Variants in KLF12 observed in about 807,000 individuals in gnomAD.
KLF12 encodes KLF transcription factor 12.
In KLF12, 9 loss-of-function variants were observed where a neutral mutation model predicts 37.8. The ratio of observed to expected loss-of-function variants is 0.24; its 90% CI spans 0.14 to 0.42. The LOEUF is 0.42. Ranked by LOEUF, KLF12 falls within the 10% of genes least tolerant of loss-of-function variation. The probability of loss-of-function intolerance (pLI) is 1.00; values close to 1 mark genes in which losing one functional copy is unlikely to be tolerated. For missense variants in KLF12, 411 were observed against 516.0 expected (o/e 0.80, Z 1.97); for synonymous variants, 208 against 202.1 (o/e 1.03, Z -0.25).
intron 2 of KLF12, among the ~76,000 whole-genome samples, chr13:73,955,347 T>A (rs1355225742): frequency 6.6e-6 from 1 of 152,094 alleles, no homozygotes; most frequent in African/African-American, 2.4e-5. Context: ...AAAACAGAAA[T>A]GTTAAGAGTT....
the KLF12 span, among the ~76,000 whole-genome samples, chr13:74,155,027 A>T: frequency 6.6e-6 from 1 of 152,188 alleles, no homozygotes; most frequent in African/African-American, 2.4e-5. Flanking sequence ...GGTCTTAAAT[A>T]TACTATTCTT....
At chr13:73,708,084 G>A (rs1442134427) in intron 7 of KLF12, among the ~76,000 whole-genome samples, 1 of 152,094 alleles carries the variant, frequency 6.6e-6, no homozygotes, top group Non-Finnish European at 1.5e-5. Context: ...GTTTCATAAA[G>A]GTAGGGAAGA....
At chr13:73,806,111 TC>T (rs1882605422) in intron 5 of KLF12, among the ~76,000 whole-genome samples, 1 of 105,554 alleles carries the variant, frequency 9.5e-6, no homozygotes, top group Non-Finnish European at 2.1e-5. Flanking sequence ...GTTTTTTTTT[TC>T]TTTCTTTTTT....
At chr13:74,215,427 CTTTTTTTTTTTTT>C in the KLF12 span, among the ~76,000 whole-genome samples, 21 of 60,384 alleles carry the variant, frequency 3.5e-4, no homozygotes, top group African/African-American at 8.6e-4. Context: ...CCTCTGGGTT[CTTTTTTTTTTTTT>C]TTTTTTTTTT....
At chr13:73,826,695 AC>A (rs1883862041) in intron 4 of KLF12, among the ~76,000 whole-genome samples, 1 of 152,090 alleles carries the variant, frequency 6.6e-6, no homozygotes, top group Non-Finnish European at 1.5e-5. Context: ...GCCCTTAACT[AC>A]ATATATGTCC....
At chr13:74,028,663 T>A (rs1893036604) in intron 1 of KLF12, among the ~76,000 whole-genome samples, 1 of 152,060 alleles carries the variant, frequency 6.6e-6, no homozygotes, top group Non-Finnish European at 1.5e-5. Flanking sequence ...ATGATAAATA[T>A]AAGAAACATG....
the KLF12 span, among the ~76,000 whole-genome samples, chr13:74,281,565 A>G: frequency 6.6e-6 from 1 of 152,256 alleles, no homozygotes; most frequent in Middle Eastern, 3.2e-3. Context: ...CAAAGCTATA[A>G]ATACATTTTA....
intron 1 of KLF12, among the ~76,000 whole-genome samples, chr13:74,074,707 G>C (rs924703039): frequency 1.1e-4 from 17 of 152,162 alleles, no homozygotes; most frequent in African/African-American, 4.1e-4. Context: ...ATGGGGGTTT[G>C]TTGTACAGAT....
At position 73,995,005 on chromosome 13, in the gene KLF12, C is replaced by T. The variant is rs747690527; in HGVS notation, c.18G>A (p.Lys6=). The T allele has an allele frequency of 1.2e-6, 2 of 1,604,596 alleles. No homozygotes were observed. Among genetic ancestry groups the T allele is most frequent in the Non-Finnish European group, 1.7e-6 (2 of 1,172,768 alleles). The change falls in exon 2 of 8, where the codon AAG becomes AAA. Residue 6 remains lysine, a synonymous_variant. Transcript: ENST00000377669. ...ACTAACCAACCTTTATTGTTTTTCT[C>T]TTCATATGGATATTCATTCATCCAT... is the stretch of plus-strand genomic sequence containing the variant.
chr13:73,785,120 T>TC (rs1403194900), intron 5 of KLF12, among the ~76,000 whole-genome samples: 5 of 66,818 alleles, frequency 7.5e-5, no homozygotes, highest in African/African-American at 2.5e-4. Context: ...ATTATCTAAT[T>TC]TTTTTTTTTT....
chr13:73,726,038 T>C (rs1407546936), intron 6 of KLF12, among the ~76,000 whole-genome samples: 1 of 151,832 alleles, frequency 6.6e-6, no homozygotes, highest in South Asian at 2.1e-4. Context: ...CCAGCTAATT[T>C]TGTATTGTTT....
chr13:74,205,848 G>T, the KLF12 span, among the ~76,000 whole-genome samples: 1 of 152,086 alleles, frequency 6.6e-6, no homozygotes, highest in African/African-American at 2.4e-5. Context: ...TCTCCTCCAG[G>T]TTGTAGAGAT....
At chr13:74,046,511 T>C (rs1361561962) in intron 1 of KLF12, among the ~76,000 whole-genome samples, 2 of 151,974 alleles carry the variant, frequency 1.3e-5, no homozygotes, top group African/African-American at 2.4e-5. Flanking sequence ...CTTCAGAGGG[T>C]TCTTTCCAAA....
chr13:74,271,959 C>T, the KLF12 span, among the ~76,000 whole-genome samples: 3 of 152,216 alleles, frequency 2.0e-5, no homozygotes, highest in Non-Finnish European at 4.4e-5. Flanking sequence ...TTTCTGAAAA[C>T]TCCTTCAGTG....
intron 6 of KLF12, among the ~76,000 whole-genome samples, chr13:73,753,329 C>A (rs1162501538): frequency 6.6e-6 from 1 of 152,172 alleles, no homozygotes; most frequent in African/African-American, 2.4e-5. Context: ...CCCAGACCCT[C>A]ACCCAGATGG....
upstream of KLF12, among the ~76,000 whole-genome samples, chr13:74,138,613 G>A (rs1325532867): frequency 1.3e-5 from 2 of 152,054 alleles, no homozygotes; most frequent in Admixed American, 6.5e-5. Context: ...TACAGTTTTC[G>A]GTCCTTCTAG....
intron 4 of KLF12, among the ~76,000 whole-genome samples, chr13:73,817,327 AAGAAAAG>A (rs1223286844): frequency 3.5e-5 from 5 of 141,334 alleles, no homozygotes; most frequent in African/African-American, 7.6e-5. Flanking sequence ...TCAAAAAAAA[AAGAAAAG>A]AAAAAAAAGA....
intron 5 of KLF12, among the ~76,000 whole-genome samples, chr13:73,790,405 T>C (rs1881618863): frequency 1.3e-5 from 2 of 152,312 alleles, no homozygotes; most frequent in South Asian, 4.1e-4. Context: ...GGCCAATATA[T>C]TTGTTATAAT....
the KLF12 span, among the ~76,000 whole-genome samples, chr13:74,292,239 G>C: frequency 1.0e-3 from 156 of 152,258 alleles, 4 homozygotes; most frequent in South Asian, 0.031. Flanking sequence ...AGGGCCTTTG[G>C]TGTCAGACAG....
Sources: allele counts gnomAD v4.1 joint callset (sites outside exome capture counted in the v4.1 genomes callset), GRCh38; gene constraint gnomAD v4.1.1; transcripts MANE v1.5; gene names NCBI Gene and HGNC (gene_info 2026-07-23, HGNC 2026-07-21).